VPS8: variants seen among roughly 807,000 people sequenced by gnomAD.
VPS8 encodes VPS8 subunit of CORVET complex.
VPS8 carries 129 observed loss-of-function variants against 216.4 expected under a neutral mutation model. That is an observed-to-expected ratio of 0.60 (90% confidence interval 0.52 to 0.69). VPS8 has a LOEUF of 0.69. VPS8 is among the 30% of genes least tolerant of loss of function. VPS8 has a pLI of 0.00. For missense variants in VPS8, 1,531 were observed against 1,683.5 expected (o/e 0.91, Z 1.59); for synonymous variants, 571 against 565.4 (o/e 1.01, Z -0.14).
intron 45 of VPS8, among the ~76,000 whole-genome samples, chr3:185,014,908 C>G (rs1003242568): frequency 6.6e-6 from 1 of 152,170 alleles, no homozygotes; most frequent in Non-Finnish European, 1.5e-5. Flanking sequence ...AAAAGGTGAT[C>G]TTTAACACAG....
At chr3:184,930,011 A>G (rs576763025) in intron 33 of VPS8, among the ~76,000 whole-genome samples, 1 of 152,350 alleles carries the variant, frequency 6.6e-6, no homozygotes, top group South Asian at 2.1e-4. Flanking sequence ...AGTGAAGGAA[A>G]GAGCCAAGAA....
At position 184,872,328 on chromosome 3, in the gene VPS8, G is replaced by A. The variant is rs538562696; in HGVS notation, c.1734+1523G>A. 5.7e-4 allele frequency among the ~76,000 whole-genome samples: 86 copies of A among 152,126 alleles called. 1 individual carries two copies. The highest frequency in any genetic ancestry group is 3.1e-3 in the South Asian group (15 of 4,816). ...AGAAACCACAGTGTTGGGGGAAAAC[G>A]TGGTAGAGAGCTTCTTTCTAAAAGA... On this transcript the variant is annotated intron_variant, in intron 21 of 47. Coordinates refer to ENST00000625842, the MANE Select transcript of VPS8 (RefSeq NM_001009921.3).
chr3:184,982,589 G>A lies in VPS8; in HGVS notation c.3444G>A (p.Glu1148=), dbSNP rs1306912600. The A allele has an allele frequency of 1.2e-6, 2 of 1,613,124 alleles. No homozygotes were observed. The highest frequency in any genetic ancestry group is 1.1e-5 in the South Asian group (1 of 90,920). Residue 1148 remains glutamate, a synonymous_variant, in exon 41 of 48, where the codon GAG becomes GAA. Coordinates refer to ENST00000625842, the MANE Select transcript of VPS8 (RefSeq NM_001009921.3). ...AGGCACTTTGGTTTCCGTTATTGGA[G>A]GCAATGATGGCCCCTCAGAAGCTGT... ...QREALWFPLL[E]AMMAPQKLSS...
intron 22 of VPS8, among the ~76,000 whole-genome samples, chr3:184,891,297 A>C (rs547188580): frequency 1.1e-4 from 16 of 152,174 alleles, no homozygotes; most frequent in Non-Finnish European, 1.9e-4. Context: ...GTAGTCTTTT[A>C]ATTTGTTCAC....
chr3:184,940,068 A>G, intron 35 of VPS8, 129 bp from the exon 36 acceptor site: 2 of 335,618 alleles, frequency 6.0e-6, no homozygotes, highest in Non-Finnish European at 1.1e-5. Flanking sequence ...TTAGATCTGT[A>G]CAGAGGGCTT....
intron 28 of VPS8, among the ~76,000 whole-genome samples, chr3:184,917,601 G>T (rs66990639): frequency 0.025 from 3,732 of 152,124 alleles, 82 homozygotes; most frequent in South Asian, 0.073. Flanking sequence ...GCTAATTTTT[G>T]CACCATGTTG....
intron 1 of VPS8, among the ~76,000 whole-genome samples, chr3:184,821,529 G>A (rs1717591140): frequency 6.6e-5 from 10 of 151,702 alleles, no homozygotes. Flanking sequence ...TTGTATTTTA[G>A]TAGAGACGAG....
Position 185,027,311 on chromosome 3 carries a change from C to T in VPS8, c.4056+2922C>T, listed in dbSNP as rs530143950. Among the ~76,000 whole-genome samples the T allele has an allele frequency of 1.7e-4, 24 of 143,000 alleles. No homozygotes were observed. In the East Asian group the frequency reaches 1.9e-3, roughly 12 times the overall value. The allele number at this position is 143,000 out of a possible 152,430, so 93.8% of individuals were successfully genotyped here. ...AGGCTAGAGTGCAGCGGCACGATCT[C>T]GGCTCACTGCAAGCTTCGCCTCCCG... On this transcript the variant is annotated intron_variant, in intron 46 of 47. Transcript: ENST00000625842.
chr3:184,870,252 T>C (rs911959832), intron 20 of VPS8, among the ~76,000 whole-genome samples: 1 of 152,224 alleles, frequency 6.6e-6, no homozygotes, highest in African/African-American at 2.4e-5. Context: ...CTGTTCCTAC[T>C]CTAGACTGGG....
intron 1 of VPS8, 45 bp from the exon 2 acceptor site, chr3:184,824,500 T>C: frequency 5.4e-6 from 5 of 928,146 alleles, no homozygotes; most frequent in East Asian, 2.6e-5. Context: ...GAAATCTAAA[T>C]GATAGTGTTT....
Position 184,866,937 on chromosome 3 carries a change from A to C in VPS8, c.1457A>C (p.Tyr486Ser), listed in dbSNP as rs2108758132. The change falls in exon 17 of 48, where the codon TAT becomes TCT. Residue 486 changes from tyrosine (Y) to serine (S), a missense_variant. By Grantham distance (144) the Tyr-to-Ser change is moderately radical. Transcript: ENST00000625842. ...SISSYGGQIFYLGTKSVYVMM... is the reference protein window; with the variant it reads ...SISSYGGQIFSLGTKSVYVMM... Reference sequence around the variant, plus strand: ...AGTAGCTATGGTGGTCAGATCTTTTATTTGGGGACAAAAGTAAGCTCTTTT... The same window carrying C: ...AGTAGCTATGGTGGTCAGATCTTTTCTTTGGGGACAAAAGTAAGCTCTTTT... The C allele has an allele frequency of 6.2e-7, 1 of 1,613,100 alleles. No homozygotes were observed. The highest frequency in any genetic ancestry group is 1.1e-5 in the South Asian group (1 of 90,876).
chr3:185,050,611 C>G (rs1170648223), intron 47 of VPS8, among the ~76,000 whole-genome samples: 1 of 152,232 alleles, frequency 6.6e-6, no homozygotes, highest in Non-Finnish European at 1.5e-5. Flanking sequence ...CTGCTGGTGA[C>G]CGAGGGCAAG....
Position 184,981,946 on chromosome 3 carries a change from T to C in VPS8, c.3421-620T>C, listed in dbSNP as rs543272622. On this transcript the variant is annotated intron_variant, in intron 40 of 47. Coordinates refer to ENST00000625842, the MANE Select transcript of VPS8 (RefSeq NM_001009921.3). The stretch of plus-strand genomic sequence containing the variant: ...AAGCATTTAATAGTGATTAACATAA[T>C]ATAAATAAATGATAGTTTTTTTTTT... Among the ~76,000 whole-genome samples, 21 of 102,030 alleles carry C rather than the reference T, an allele frequency of 2.1e-4. No individual in the cohort carries two copies. The East Asian group carries it at 3.5e-3, about 17-fold the overall frequency. The allele number at this position is 102,030 out of a possible 152,430, so 66.9% of individuals were successfully genotyped here.
intron 29 of VPS8, among the ~76,000 whole-genome samples, chr3:184,920,410 C>T (rs981827836): frequency 6.6e-6 from 1 of 151,946 alleles, no homozygotes; most frequent in African/African-American, 2.4e-5. Context: ...AGACTGGGGA[C>T]CGGAATAGAG....
At chr3:184,841,590 G>A (rs1462089124) in intron 7 of VPS8, among the ~76,000 whole-genome samples, 3 of 152,094 alleles carry the variant, frequency 2.0e-5, no homozygotes, top group Non-Finnish European at 4.4e-5. Context: ...GAATTGCTTG[G>A]ATTAGGAGAT....
At chr3:184,872,637 A>T (rs777117081) in intron 21 of VPS8, among the ~76,000 whole-genome samples, 1 of 152,076 alleles carries the variant, frequency 6.6e-6, no homozygotes, top group Admixed American at 6.6e-5. Context: ...GGAGGGGACT[A>T]TTTCTCTGGA....
rs1577907216 is a variant in VPS8 at position 184,853,751 on chromosome 3, G to A, written c.822-106G>A. 30 of 1,144,082 alleles carry A rather than the reference G, an allele frequency of 2.6e-5. No individual in the cohort carries two copies. The South Asian group carries it at 4.0e-4, about 15-fold the overall frequency. The allele number at this position is 1,144,082 out of a possible 1,614,324, so 70.9% of individuals were successfully genotyped here. ...GTCCTGTGGAGCTTGGATTGTTGGG[G>A]GTTAAGGAGGTAGGAGGTAGGAGGC... On this transcript the variant is annotated intron_variant, in intron 11 of 47. Transcript: ENST00000625842.
At chr3:184,815,044 G>A (rs906560881) in intron 1 of VPS8, among the ~76,000 whole-genome samples, 1 of 151,766 alleles carries the variant, frequency 6.6e-6, no homozygotes, top group Non-Finnish European at 1.5e-5. Context: ...ATTACTCTAG[G>A]CCTACACAGA....
chr3:184,902,143 G>A (rs1391644640), intron 25 of VPS8, among the ~76,000 whole-genome samples: 1 of 145,346 alleles, frequency 6.9e-6, no homozygotes, highest in African/African-American at 2.6e-5. Context: ...TTAATTGGTG[G>A]AGATGACCTG....
Sources: gnomAD v4.1 joint callset for allele counts (sites outside exome capture counted in the v4.1 genomes callset) on GRCh38, gnomAD v4.1.1 for gene constraint, MANE v1.5 for transcripts, NCBI Gene and HGNC (gene_info 2026-07-23, HGNC 2026-07-21) for gene names.